GRIA4: variants seen among roughly 807,000 people sequenced by gnomAD.
GRIA4 encodes glutamate receptor 4.
In GRIA4, 34 loss-of-function variants were observed where a neutral mutation model predicts 104.0. That is an observed-to-expected ratio of 0.33 (90% CI 0.25 to 0.44). GRIA4 has a LOEUF of 0.44. Among genes scored for constraint, GRIA4 ranks in the 20% least tolerant of loss-of-function variants. The pLI, the probability that GRIA4 is intolerant of heterozygous loss-of-function variation, is 1.00. For synonymous variants in GRIA4, 386 were observed against 381.9 expected (o/e 1.01, Z -0.13); for missense variants, 750 against 1,096.5 (o/e 0.68, Z 4.46).
chr11:105,667,441 T>A (rs867748632), intron 3 of GRIA4, among the ~76,000 whole-genome samples: 8 of 152,030 alleles, frequency 5.3e-5, no homozygotes, highest in African/African-American at 1.9e-4. Context: ...TGAACTCGTT[T>A]CTTTTCAGTG....
intron 3 of GRIA4, among the ~76,000 whole-genome samples, chr11:105,647,973 A>C (rs931425127): frequency 6.6e-6 from 1 of 151,534 alleles, no homozygotes. Flanking sequence ...TAAATAAATA[A>C]ATAAATAAAT....
chr11:105,618,795 A>G (rs1950665061), intron 3 of GRIA4, among the ~76,000 whole-genome samples: 1 of 151,910 alleles, frequency 6.6e-6, no homozygotes, highest in South Asian at 2.1e-4. Flanking sequence ...AAGCAGTGCC[A>G]AGAGTGCTGA....
intron 14 of GRIA4, among the ~76,000 whole-genome samples, chr11:105,960,364 A>T (rs375246583): frequency 1.3e-5 from 2 of 152,230 alleles, no homozygotes; most frequent in African/African-American, 4.8e-5. Context: ...AGAATGGGTC[A>T]CGATTAGGCC....
chr11:105,810,725 G>A (rs1202492787), intron 4 of GRIA4, among the ~76,000 whole-genome samples: 2 of 152,092 alleles, frequency 1.3e-5, no homozygotes, highest in Non-Finnish European at 2.9e-5. Flanking sequence ...TATATAAATT[G>A]TAAAGCCTGC....
rs540905005 is a variant in GRIA4 at position 105,893,514 on chromosome 11, A to G, written c.727-4755A>G. Among the ~76,000 whole-genome samples, 56 of 152,302 alleles carry G rather than the reference A, an allele frequency of 3.7e-4. 1 individual carries two copies. Among genetic ancestry groups the G allele is most frequent in the Middle Eastern group, 6.8e-3 (2 of 294 alleles). On this transcript the variant is annotated intron_variant, in intron 6 of 16. Transcript: ENST00000282499. The stretch of plus-strand genomic sequence containing the variant: ...GCTGAAATTAACTGAGCCACCCACT[A>G]TTCATTGAAATCATAACTGACAATG...
At chr11:105,734,241 G>A (rs1020812912) in intron 3 of GRIA4, among the ~76,000 whole-genome samples, 2 of 151,752 alleles carry the variant, frequency 1.3e-5, no homozygotes, top group Admixed American at 1.3e-4. Flanking sequence ...TTGGTAAATG[G>A]TAAACACAAC....
intron 5 of GRIA4, among the ~76,000 whole-genome samples, chr11:105,875,190 G>C (rs1234932738): frequency 6.6e-6 from 1 of 152,106 alleles, no homozygotes; most frequent in Admixed American, 6.5e-5. Context: ...TTTTGTTATT[G>C]GTTCTGTTTA....
intron 12 of GRIA4, among the ~76,000 whole-genome samples, chr11:105,925,453 T>C (rs1357164506): frequency 1.3e-5 from 2 of 152,116 alleles, no homozygotes; most frequent in East Asian, 3.9e-4. Context: ...CTTACTTTTC[T>C]CATAGAGAAA....
chr11:105,626,266 C>CACACAT (rs1950884232), intron 3 of GRIA4, among the ~76,000 whole-genome samples: 1 of 152,050 alleles, frequency 6.6e-6, no homozygotes, highest in Non-Finnish European at 1.5e-5. Context: ...AGCACACATA[C>CACACAT]ACACATACAC....
intron 3 of GRIA4, among the ~76,000 whole-genome samples, chr11:105,622,540 T>C (rs1950774178): frequency 6.6e-6 from 1 of 151,866 alleles, no homozygotes; most frequent in South Asian, 2.1e-4. Flanking sequence ...GTCTTGCTTC[T>C]TCTATTATTT....
At chr11:105,684,164 G>A (rs1027913603) in intron 3 of GRIA4, among the ~76,000 whole-genome samples, 1 of 152,076 alleles carries the variant, frequency 6.6e-6, no homozygotes, top group South Asian at 2.1e-4. Flanking sequence ...TTGAGCCACT[G>A]CGCCGGGCCA....
chr11:105,933,638 C>T lies in GRIA4; in HGVS notation c.2047-84C>T, dbSNP rs572310558. 183 of 987,828 alleles carry T rather than the reference C, an allele frequency of 1.9e-4. 1 individual carries two copies. In the South Asian group the frequency reaches 2.6e-3, roughly 14 times the overall value. The allele number at this position is 987,828 out of a possible 1,614,324, so 61.2% of individuals were successfully genotyped here. A position where few individuals can be genotyped will look rare whatever the true frequency, so the allele number is the denominator to read the frequency against. On this transcript the variant is annotated intron_variant, in intron 13 of 16. Coordinates refer to ENST00000282499, the MANE Select transcript of GRIA4 (RefSeq NM_000829.4). ...AGAGAGCAATGGAAAGATACTAAAA[C>T]GCTTTATTCTTATCTTGGTTCAGCG...
At chr11:105,662,233 C>G (rs1158943171) in intron 3 of GRIA4, among the ~76,000 whole-genome samples, 1 of 151,756 alleles carries the variant, frequency 6.6e-6, no homozygotes, top group East Asian at 1.9e-4. Context: ...TAAAAATATT[C>G]ATTTTACAGG....
intron 4 of GRIA4, among the ~76,000 whole-genome samples, chr11:105,776,837 C>A (rs1301666120): frequency 6.6e-6 from 1 of 152,170 alleles, no homozygotes; most frequent in Admixed American, 6.6e-5. Context: ...GAGGTAACAT[C>A]AAGCACCACC....
chr11:105,967,286 C>G (rs1179151982), intron 14 of GRIA4, among the ~76,000 whole-genome samples: 1 of 152,018 alleles, frequency 6.6e-6, no homozygotes, highest in Non-Finnish European at 1.5e-5. Flanking sequence ...AAGATGTTTT[C>G]TGGAGAAAAA....
At chr11:105,735,883 C>G (rs1591166769) in intron 3 of GRIA4, among the ~76,000 whole-genome samples, 1 of 152,010 alleles carries the variant, frequency 6.6e-6, no homozygotes, top group African/African-American at 2.4e-5. Context: ...TTAAGAGCAC[C>G]AGGTTAAAAT....
intron 4 of GRIA4, among the ~76,000 whole-genome samples, chr11:105,794,512 T>TATATATATATATATATAC (rs1313325715): frequency 2.8e-5 from 3 of 106,904 alleles, no homozygotes; most frequent in African/African-American, 1.1e-4. Context: ...TATATATATA[T>TATATATATATATATATAC]ACATATACAC....
At chr11:105,638,088 T>C (rs1393551853) in intron 3 of GRIA4, among the ~76,000 whole-genome samples, 2 of 152,302 alleles carry the variant, frequency 1.3e-5, no homozygotes, top group Admixed American at 6.5e-5. Flanking sequence ...ACCTGATAGA[T>C]GACACAGGTT....
chr11:105,648,266 G>A (rs554909120), intron 3 of GRIA4, among the ~76,000 whole-genome samples: 13 of 151,400 alleles, frequency 8.6e-5, no homozygotes, highest in Admixed American at 2.0e-4. Context: ...AGGAAGTAGG[G>A]AAATGGCTGA....
Sources: gnomAD v4.1 joint callset for allele counts (sites outside exome capture counted in the v4.1 genomes callset) on GRCh38, gnomAD v4.1.1 for gene constraint, MANE v1.5 for transcripts, NCBI Gene and HGNC (gene_info 2026-07-23, HGNC 2026-07-21) for gene names.